MAOB: variants seen among roughly 807,000 people sequenced by gnomAD.
The protein encoded by MAOB is amine oxidase [flavin-containing] B.
MAOB carries 15 observed loss-of-function variants against 41.9 expected under a neutral mutation model. The ratio of observed to expected loss-of-function variants is 0.36; its 90% CI spans 0.24 to 0.55. MAOB has a LOEUF of 0.55. Ranked by LOEUF, MAOB falls within the 20% of genes least tolerant of loss-of-function variation. The pLI is 0.86. For missense variants in MAOB, 345 were observed against 398.7 expected (o/e 0.87, Z 1.15); for synonymous variants, 167 against 144.2 (o/e 1.16, Z -1.13).
chrX:43,811,645 G>A (rs1403196600), intron 3 of MAOB, among the ~76,000 whole-genome samples: 7 of 111,938 alleles, frequency 6.3e-5, no homozygotes, highest in African/African-American at 1.6e-4. Context: ...TCTTCTGTTC[G>A]TGTGCCTATT....
At position 43,802,131 on chromosome X, in the gene MAOB, G is replaced by C. The variant is rs755067967; in HGVS notation, c.476+41C>G. ...ACGGTATTGCTAAATAAACCTAAAA[G>C]GTGGTCACAGTAAATGCCTGTGCCT... On this transcript the variant is annotated intron_variant, in intron 5 of 14. Transcript: ENST00000378069. 1.2e-5 allele frequency: 13 copies of C among 1,054,062 alleles called. No individual in the cohort carries two copies. The African/African-American group carries it at 2.2e-4, about 18-fold the overall frequency. The allele number at this position is 1,054,062 out of a possible 1,213,427, so 86.9% of individuals were successfully genotyped here. A position where few individuals can be genotyped will look rare whatever the true frequency, so the allele number is the denominator to read the frequency against.
intron 3 of MAOB, chrX:43,838,059 G>C (rs1466349517): frequency 3.1e-6 from 1 of 317,494 alleles, no homozygotes; most frequent in Admixed American, 3.2e-5. Flanking sequence ...TTATTAGAAT[G>C]AATGTCCAAC....
intron 3 of MAOB, among the ~76,000 whole-genome samples, chrX:43,805,505 T>C (rs924528679): frequency 2.7e-5 from 3 of 111,722 alleles, no homozygotes; most frequent in Admixed American, 9.5e-5. Flanking sequence ...CTGTCACTTA[T>C]AGATTGTTTT....
At chrX:43,856,723 T>C (rs2035290702) in intron 1 of MAOB, among the ~76,000 whole-genome samples, 2 of 110,331 alleles carry the variant, frequency 1.8e-5, no homozygotes, top group Admixed American at 1.9e-4. Context: ...CGAAAATATA[T>C]TTACTATTCA....
chrX:43,803,449 G>T, intron 3 of MAOB, 45 bp from the exon 4 acceptor site: 2 of 1,139,196 alleles, frequency 1.8e-6, no homozygotes, highest in Non-Finnish European at 2.3e-6. Context: ...TTACTACAAT[G>T]TAAAAGTAGG....
chrX:43,804,110 C>CA (rs1312336523), intron 3 of MAOB, among the ~76,000 whole-genome samples: 1 of 110,736 alleles, frequency 9.0e-6, no homozygotes, highest in African/African-American at 3.3e-5. Flanking sequence ...AAGAGACACG[C>CA]AAAAAAACCC....
chrX:43,796,694 C>T (rs1402617344), intron 6 of MAOB, among the ~76,000 whole-genome samples: 1 of 111,446 alleles, frequency 9.0e-6, no homozygotes, highest in Non-Finnish European at 1.9e-5. Flanking sequence ...AGCACAGTGC[C>T]TTATACAGTG....
chrX:43,847,765 C>G (rs1241923592), intron 1 of MAOB, among the ~76,000 whole-genome samples: 1 of 112,240 alleles, frequency 8.9e-6, no homozygotes. Context: ...GCAAGCTTAT[C>G]ATCACTTCAT....
intron 3 of MAOB, among the ~76,000 whole-genome samples, chrX:43,827,046 C>G (rs772469897): frequency 1.8e-5 from 2 of 111,415 alleles, no homozygotes; most frequent in South Asian, 7.6e-4. Flanking sequence ...CAGAGAAAGC[C>G]TAAATTAAGA....
In MAOB at chrX:43,811,576, T is replaced by G. The variant is rs770634821; in HGVS notation, c.280-8172A>C. ...AGTTTGAGAGAAAATAAAATTAGTC[T>G]TTCCCATCAGGGAGGAGGGGAGAAG... On this transcript the variant is annotated intron_variant, in intron 3 of 14. Transcript: ENST00000378069. 3.6e-5 allele frequency among the ~76,000 whole-genome samples: 4 copies of G among 112,240 alleles called. No individual in the cohort carries two copies. The South Asian group carries it at 1.5e-3, about 42-fold the overall frequency.
intron 1 of MAOB, among the ~76,000 whole-genome samples, chrX:43,859,700 C>T (rs948165277): frequency 8.9e-6 from 1 of 111,755 alleles, no homozygotes; most frequent in Non-Finnish European, 1.9e-5. Context: ...GGGCTTCGAT[C>T]CTCTAATCAT....
At chrX:43,817,488 TTCTC>T (rs985009768) in intron 3 of MAOB, among the ~76,000 whole-genome samples, 1 of 111,803 alleles carries the variant, frequency 8.9e-6, no homozygotes, top group African/African-American at 3.3e-5. Flanking sequence ...ACTTTGTTAA[TTCTC>T]TCTCTGCTTC....
intron 3 of MAOB, among the ~76,000 whole-genome samples, chrX:43,812,866 T>C (rs1209191439): frequency 2.7e-5 from 3 of 111,908 alleles, no homozygotes; most frequent in African/African-American, 9.8e-5. Flanking sequence ...ATTGTCCACA[T>C]AGAAAGAAAT....
chrX:43,857,147 AGAGAGAGAGAGAGAG>A (rs1365421025), intron 1 of MAOB, among the ~76,000 whole-genome samples: 54 of 62,977 alleles, frequency 8.6e-4, no homozygotes, highest in African/African-American at 3.0e-3. Flanking sequence ...AGAGAGAGAG[AGAGAGAGAGAGAGAG>A]AGAAGAAGAG....
intron 5 of MAOB, among the ~76,000 whole-genome samples, chrX:43,801,051 A>G (rs1004407078): frequency 2.7e-5 from 3 of 109,228 alleles, no homozygotes; most frequent in African/African-American, 1.0e-4. Flanking sequence ...CCTTTTAAAA[A>G]TAATGCTTTG....
Position 43,882,430 on chromosome X carries a change from G to A in MAOB, c.-131C>T. ...CTGCGCGCTGCCCCCGTGCACCAGC[G>A]CCTCGGCGAGCCGCTATATTACCAG... On this transcript the variant is annotated 5_prime_UTR_variant, in exon 1 of 15. Transcript: ENST00000378069. 1 of 1,020,646 alleles carries A rather than the reference G, an allele frequency of 9.8e-7. No individual in the cohort carries two copies. The highest frequency in any genetic ancestry group is 3.0e-5 in the South Asian group (1 of 33,635). The allele number at this position is 1,020,646 out of a possible 1,213,427, so 84.1% of individuals were successfully genotyped here.
intron 8 of MAOB, among the ~76,000 whole-genome samples, chrX:43,786,819 C>T (rs1342949330): frequency 9.0e-6 from 1 of 110,788 alleles, no homozygotes; most frequent in Non-Finnish European, 1.9e-5. Flanking sequence ...GCCTCTGAGT[C>T]AAGTGAGTGC....
At chrX:43,832,670 G>A (rs1013728391) in intron 3 of MAOB, among the ~76,000 whole-genome samples, 1 of 111,889 alleles carries the variant, frequency 8.9e-6, no homozygotes, top group Admixed American at 9.5e-5. Flanking sequence ...CACAAAATAT[G>A]TGTTTACCAA....
chrX:43,850,227 T>A (rs1049976262), intron 1 of MAOB: 1 of 368,240 alleles, frequency 2.7e-6, no homozygotes, highest in African/African-American at 2.8e-5. Flanking sequence ...TCCTATAACA[T>A]ACAGAGATCC....
Sources: allele counts gnomAD v4.1 joint callset (sites outside exome capture counted in the v4.1 genomes callset), GRCh38; gene constraint gnomAD v4.1.1; transcripts MANE v1.5; gene names NCBI Gene and HGNC (gene_info 2026-07-23, HGNC 2026-07-21).